The following TUBB6 variants were observed in gnomAD, a reference collection of about 807,000 sequenced individuals.
The protein encoded by TUBB6 is tubulin beta-6 chain.
A neutral mutation model predicts 32.3 loss-of-function variants in TUBB6; 18 were observed. That is an observed-to-expected ratio of 0.56 (90% CI 0.39 to 0.83). The LOEUF (loss-of-function observed/expected upper bound fraction) is 0.83. TUBB6 is among the 40% of genes least tolerant of loss of function. The probability of loss-of-function intolerance (pLI) is 0.00; values close to 1 mark genes in which losing one functional copy is unlikely to be tolerated. For synonymous variants in TUBB6, 280 were observed against 265.8 expected (o/e 1.05, Z -0.52); for missense variants, 480 against 632.0 (o/e 0.76, Z 2.58).
chr18:12,312,772 G>A (rs1464784431), intron 3 of TUBB6, among the ~76,000 whole-genome samples: 2 of 152,062 alleles, frequency 1.3e-5, no homozygotes, highest in East Asian at 3.9e-4. Context: ...GGCCAAGGCG[G>A]GCGGATCACC....
intron 3 of TUBB6, among the ~76,000 whole-genome samples, chr18:12,311,361 G>T (rs1296149709): frequency 1.3e-5 from 2 of 152,188 alleles, no homozygotes; most frequent in Non-Finnish European, 2.9e-5. Flanking sequence ...ACTTTGGGAG[G>T]CCAAGACGAG....
At chr18:12,328,405 C>T (rs1229370444), downstream of TUBB6, among the ~76,000 whole-genome samples, 1 of 152,194 alleles carries the variant, frequency 6.6e-6, no homozygotes, top group Non-Finnish European at 1.5e-5. Flanking sequence ...TTCCTCATGC[C>T]ATCTTTTTTA....
At chr18:12,311,115 A>G (rs1906357417) in intron 3 of TUBB6, 62 bp downstream of exon 3, 2 of 1,367,288 alleles carry the variant, frequency 1.5e-6, no homozygotes, top group Non-Finnish European at 2.0e-6. Flanking sequence ...AATATTTTAT[A>G]TGCCAGATTT....
chr18:12,308,386 G>A (rs1485645132), intron 1 of TUBB6, 37 bp downstream of exon 1: 1 of 1,334,410 alleles, frequency 7.5e-7, no homozygotes, highest in Non-Finnish European at 9.6e-7. Flanking sequence ...TCCGCGGGTC[G>A]GCTGCTGGCG....
At chr18:12,310,757 G>C (rs545628062) in intron 2 of TUBB6, among the ~76,000 whole-genome samples, 186 bp from the exon 3 acceptor site, 3 of 152,324 alleles carry the variant, frequency 2.0e-5, no homozygotes, top group Admixed American at 2.0e-4. Flanking sequence ...CCAATGTGCT[G>C]AGATTACAGG....
At chr18:12,329,336 T>G, downstream of TUBB6, 1 of 672,776 alleles carries the variant, frequency 1.5e-6, no homozygotes, top group South Asian at 1.6e-5. Flanking sequence ...GGGAGCCCAA[T>G]GAGGCTATGG....
At chr18:12,319,467 C>T (rs912090072) in intron 3 of TUBB6, among the ~76,000 whole-genome samples, 1 of 152,000 alleles carries the variant, frequency 6.6e-6, no homozygotes, top group Non-Finnish European at 1.5e-5. Context: ...TTTCTGTGTC[C>T]ATGTGCACCT....
chr18:12,323,124 A>G (rs1907074882), intron 3 of TUBB6, among the ~76,000 whole-genome samples: 1 of 152,158 alleles, frequency 6.6e-6, no homozygotes, highest in Non-Finnish European at 1.5e-5. Flanking sequence ...TTGAAGTGGG[A>G]GAATCACTTA....
chr18:12,308,522 G>A, intron 1 of TUBB6, 165 bp from the exon 2 acceptor site: 1 of 708,046 alleles, frequency 1.4e-6, no homozygotes, highest in Non-Finnish European at 2.2e-6. Context: ...GGCCGGCCGG[G>A]GACCTTCTAC....
At chr18:12,319,135 T>C in intron 3 of TUBB6, among the ~76,000 whole-genome samples, 1 of 8,250 alleles carries the variant, frequency 1.2e-4, no homozygotes, top group East Asian at 8.2e-3. Flanking sequence ...TCCTTTTTCC[T>C]TTTTTTTTTT....
downstream of TUBB6, among the ~76,000 whole-genome samples, chr18:12,328,210 C>G (rs1416959928): frequency 6.6e-6 from 1 of 152,206 alleles, no homozygotes; most frequent in African/African-American, 2.4e-5. Flanking sequence ...CATGCATGGC[C>G]TGGGGCCATG....
At chr18:12,324,879 T>C in intron 3 of TUBB6, 188 bp from the exon 4 acceptor site, 1 of 1,407,978 alleles carries the variant, frequency 7.1e-7, no homozygotes, top group Non-Finnish European at 9.2e-7. Context: ...AGTAGCTACT[T>C]TGACTTGCCT....
chr18:12,312,228 A>C (rs1032314001), intron 3 of TUBB6, among the ~76,000 whole-genome samples: 3 of 152,240 alleles, frequency 2.0e-5, no homozygotes. Context: ...TACAAGTGAA[A>C]GCTGTATATC....
chr18:12,329,813 A>G, downstream of TUBB6: 3 of 1,564,192 alleles, frequency 1.9e-6, no homozygotes, highest in Non-Finnish European at 2.6e-6. Context: ...CATTAAATAC[A>G]GTTACTCAGC....
intron 3 of TUBB6, among the ~76,000 whole-genome samples, chr18:12,311,324 G>A (rs908205660): frequency 2.0e-5 from 3 of 152,096 alleles, no homozygotes; most frequent in South Asian, 2.1e-4. Context: ...CAAGCCAGGC[G>A]CGGTGGCTCA....
At chr18:12,313,235 G>A (rs1906488818) in intron 3 of TUBB6, among the ~76,000 whole-genome samples, 2 of 152,296 alleles carry the variant, frequency 1.3e-5, no homozygotes, top group South Asian at 2.1e-4. Flanking sequence ...GCTTTAGCCA[G>A]TGCACAAAAA....
chr18:12,315,562 G>GA (rs888144622), intron 3 of TUBB6, among the ~76,000 whole-genome samples: 1 of 152,206 alleles, frequency 6.6e-6, no homozygotes, highest in African/African-American at 2.4e-5. Flanking sequence ...TACTTTATAG[G>GA]AAATGTAAGA....
At position 12,325,123 on chromosome 18, in the gene TUBB6, CT is replaced by C. The variant is rs1270476537; in HGVS notation, c.335del (p.Leu112ArgfsTer53). 4.4e-6 allele frequency: 7 copies of C among 1,604,836 alleles called. No individual in the cohort carries two copies. Among genetic ancestry groups the C allele is most frequent in the Non-Finnish European group, 5.1e-6 (6 of 1,174,062 alleles). ...AKGHYTEGAELVDAVLDVVRK... is the reference protein window; with the variant it reads ...AKGHYTEGAEXVDAVLDVVRK... Reference sequence around the variant, plus strand: ...AGGGCACTACACGGAGGGCGCGGAGCTGGTGGACGCAGTGCTGGACGTGGTG... The same window carrying C: ...AGGGCACTACACGGAGGGCGCGGAGCGGTGGACGCAGTGCTGGACGTGGTG... On this transcript the variant is annotated frameshift_variant, in exon 4 of 4. Coordinates refer to ENST00000317702, the MANE Select transcript of TUBB6 (RefSeq NM_032525.3). LOFTEE classifies it high-confidence loss of function.
Position 12,325,126 on chromosome 18 carries a change from GTGGACGCAGTGC to G in TUBB6, c.344_355del (p.Ala115_Asp118del). 6.2e-7 allele frequency: 1 copy of G among 1,606,268 alleles called. No homozygotes were observed. Among genetic ancestry groups the G allele is most frequent in the Non-Finnish European group, 8.5e-7 (1 of 1,174,838 alleles). ...GCACTACACGGAGGGCGCGGAGCTG[GTGGACGCAGTGC>G]TGGACGTGGTGCGGAAGGAGTGCGA... On this transcript the variant is annotated inframe_deletion, in exon 4 of 4. Coordinates refer to ENST00000317702, the MANE Select transcript of TUBB6 (RefSeq NM_032525.3).
Sources: gnomAD v4.1 joint callset for allele counts (sites outside exome capture counted in the v4.1 genomes callset) on GRCh38, gnomAD v4.1.1 for gene constraint, MANE v1.5 for transcripts, NCBI Gene and HGNC (gene_info 2026-07-23, HGNC 2026-07-21) for gene names.